The following NCAM1 variants were observed in gnomAD, a reference collection of about 807,000 sequenced individuals.
NCAM1 encodes the protein neural cell adhesion molecule 1, also known as antigen recognized by monoclonal antibody 5.1H11.
In NCAM1, 14 loss-of-function variants were observed where a neutral mutation model predicts 109.8. The observed-to-expected ratio is 0.13, with a 90% confidence interval of 0.08 to 0.20. The LOEUF (loss-of-function observed/expected upper bound fraction) is 0.20. Ranked by LOEUF, NCAM1 falls within the 10% of genes least tolerant of loss-of-function variation. The probability of loss-of-function intolerance (pLI) is 1.00; values close to 1 mark genes in which losing one functional copy is unlikely to be tolerated. For synonymous variants in NCAM1, 418 were observed against 442.9 expected, an observed-to-expected ratio of 0.94 and a Z score of 0.70; for missense variants, 774 against 1,109.9, an observed-to-expected ratio of 0.70 and a Z score of 4.30.
intron 1 of NCAM1, among the ~76,000 whole-genome samples, chr11:113,022,634 G>A (rs185669809): frequency 1.3e-5 from 2 of 152,294 alleles, no homozygotes; most frequent in South Asian, 2.1e-4. Flanking sequence ...CCACATGTAA[G>A]CAAATACTTA....
At chr11:112,982,263 C>G (rs1951173036) in intron 1 of NCAM1, among the ~76,000 whole-genome samples, 1 of 151,904 alleles carries the variant, frequency 6.6e-6, no homozygotes, top group Non-Finnish European at 1.5e-5. Context: ...TGTATTTATG[C>G]CTTTGACTGA....
intron 1 of NCAM1, among the ~76,000 whole-genome samples, chr11:113,109,212 G>A (rs1475379736): frequency 6.6e-6 from 1 of 151,622 alleles, no homozygotes; most frequent in Non-Finnish European, 1.5e-5. Flanking sequence ...ACCGGGCGTG[G>A]TGGCATGCAC....
rs1024721808 is a variant in NCAM1, at chr11:112,962,465, T to C, written c.52+801T>C. 2.6e-5 allele frequency among the ~76,000 whole-genome samples: 4 copies of C among 151,926 alleles called. No individual in the cohort carries two copies. The highest frequency in any genetic ancestry group is 7.2e-5 in the African/African-American group (3 of 41,392). ...GTGCGCGCGCGTGTGCGCGCGTGTGTCTTTACACGCGCCGCGTGCCCAGTG... is the reference window on the plus strand; with the variant it reads ...GTGCGCGCGCGTGTGCGCGCGTGTGCCTTTACACGCGCCGCGTGCCCAGTG... On this transcript the variant is annotated intron_variant, in intron 1 of 19. Transcript: ENST00000316851. This position sits in a 1 kb window ranked among gnomAD's most constrained non-coding sequence, Gnocchi z 5.6.
chr11:112,974,435 A>ACTT (rs1950957266), intron 1 of NCAM1, among the ~76,000 whole-genome samples: 1 of 152,054 alleles, frequency 6.6e-6, no homozygotes, highest in South Asian at 2.1e-4. Flanking sequence ...GATGTCACAC[A>ACTT]CTGAAAGACT....
intron 1 of NCAM1, among the ~76,000 whole-genome samples, chr11:112,996,828 A>T (rs1951608980): frequency 1.3e-5 from 2 of 152,212 alleles, no homozygotes; most frequent in Admixed American, 1.3e-4. Flanking sequence ...TAACAATGTC[A>T]TCCAAGGGAC....
chr11:113,121,379 C>A (rs1940950020), intron 1 of NCAM1, among the ~76,000 whole-genome samples: 2 of 151,510 alleles, frequency 1.3e-5, no homozygotes, highest in East Asian at 1.9e-4. Context: ...TGCCACTACA[C>A]CCCGCTAATT....
chr11:113,198,171 G>T (rs1002033080), intron 1 of NCAM1, among the ~76,000 whole-genome samples: 1 of 152,164 alleles, frequency 6.6e-6, no homozygotes, highest in Non-Finnish European at 1.5e-5. Flanking sequence ...GTGAACAAGG[G>T]ATAGAATAGT....
intron 1 of NCAM1, among the ~76,000 whole-genome samples, chr11:112,980,507 A>G (rs1951124923): frequency 6.6e-6 from 1 of 151,950 alleles, no homozygotes; most frequent in Non-Finnish European, 1.5e-5. Context: ...GGAATGCAGT[A>G]CTGATACATA....
At chr11:113,055,105 A>G (rs529099313) in intron 1 of NCAM1, among the ~76,000 whole-genome samples, 2 of 152,304 alleles carry the variant, frequency 1.3e-5, no homozygotes, top group South Asian at 2.1e-4. Context: ...ATGTTTTACT[A>G]TACTTCCTTG....
At chr11:113,258,405 G>A (rs7951404) in intron 16 of NCAM1, among the ~76,000 whole-genome samples, 10,402 of 152,216 alleles carry the variant, frequency 0.068, 416 homozygotes, top group African/African-American at 0.099. Flanking sequence ...ATTTGCTGCC[G>A]TTGTAGAGAC....
At chr11:113,116,636 C>A (rs1252113638) in intron 1 of NCAM1, among the ~76,000 whole-genome samples, 2 of 152,210 alleles carry the variant, frequency 1.3e-5, no homozygotes, top group African/African-American at 4.8e-5. Flanking sequence ...AAACATTAGT[C>A]TGCTCATTTC....
intron 16 of NCAM1, among the ~76,000 whole-genome samples, chr11:113,257,991 A>G (rs2137610988): frequency 6.6e-6 from 1 of 152,232 alleles, no homozygotes; most frequent in East Asian, 1.9e-4. Context: ...TCCTAAAGGC[A>G]TCTCTTTGGC....
At chr11:112,980,263 C>T (rs1391339656) in intron 1 of NCAM1, among the ~76,000 whole-genome samples, 1 of 151,804 alleles carries the variant, frequency 6.6e-6, no homozygotes, top group South Asian at 2.1e-4. Flanking sequence ...AATGGTGCAG[C>T]CTCTTTGGAA....
intron 1 of NCAM1, among the ~76,000 whole-genome samples, chr11:112,974,482 T>A (rs1555067352): frequency 2.0e-5 from 3 of 152,028 alleles, no homozygotes. Flanking sequence ...GGGACATCCA[T>A]GTATATTCAT....
chr11:113,145,814 T>C (rs1037198868), intron 1 of NCAM1, among the ~76,000 whole-genome samples: 9 of 151,138 alleles, frequency 6.0e-5, no homozygotes, highest in Non-Finnish European at 1.3e-4. Context: ...GAGTCTGTGA[T>C]AATTTAGGCA....
chr11:113,182,805 TCCAGGA>T (rs1943374270), intron 1 of NCAM1, among the ~76,000 whole-genome samples: 1 of 152,114 alleles, frequency 6.6e-6, no homozygotes, highest in South Asian at 2.1e-4. Context: ...TCCCAGATAT[TCCAGGA>T]CCTCAGGCTT....
At chr11:113,043,827 C>T (rs1386099488) in intron 1 of NCAM1, among the ~76,000 whole-genome samples, 1 of 152,186 alleles carries the variant, frequency 6.6e-6, no homozygotes, top group African/African-American at 2.4e-5. Context: ...CTGCAGGGCC[C>T]CCGCCTGACA....
At chr11:113,231,349 G>A in intron 9 of NCAM1, 1 of 1,490,460 alleles carries the variant, frequency 6.7e-7, no homozygotes, top group Non-Finnish European at 9.0e-7. Flanking sequence ...CCCAAACAAA[G>A]TCATCTTGGG....
At chr11:113,069,714 G>A (rs1191239438) in intron 1 of NCAM1, among the ~76,000 whole-genome samples, 1 of 152,218 alleles carries the variant, frequency 6.6e-6, no homozygotes, top group Non-Finnish European at 1.5e-5. Flanking sequence ...GGAGAGGTGA[G>A]GAGAGGTTTA....
Sources: gnomAD v4.1 joint callset for allele counts (sites outside exome capture counted in the v4.1 genomes callset) on GRCh38, gnomAD v4.1.1 for gene constraint, Gnocchi (gnomAD v3.1) non-coding constraint, MANE v1.5 for transcripts, NCBI Gene and HGNC (gene_info 2026-07-23, HGNC 2026-07-21) for gene names.